The following ARHGAP26 variants were observed in gnomAD, a reference collection of about 807,000 sequenced individuals.
ARHGAP26 encodes the protein Rho GTPase activating protein 26.
In ARHGAP26, 38 loss-of-function variants were observed where a neutral mutation model predicts 104.8. The ratio of observed to expected loss-of-function variants is 0.36; its 90% confidence interval spans 0.28 to 0.48. The LOEUF is 0.48. Among genes scored for constraint, ARHGAP26 ranks in the 20% least tolerant of loss-of-function variants. The probability of loss-of-function intolerance (pLI) is 0.99; values close to 1 mark genes in which losing one functional copy is unlikely to be tolerated. For missense variants in ARHGAP26, 704 were observed against 947.9 expected (o/e 0.74, Z 3.38); for synonymous variants, 341 against 340.0 (o/e 1.00, Z -0.03).
intron 5 of ARHGAP26, among the ~76,000 whole-genome samples, chr5:142,891,220 G>T (rs752924330): frequency 3.3e-5 from 5 of 152,006 alleles, no homozygotes; most frequent in Non-Finnish European, 7.3e-5. Flanking sequence ...GATGCAGGGG[G>T]TGGTGGTGGT....
intron 11 of ARHGAP26, among the ~76,000 whole-genome samples, chr5:142,959,763 G>T (rs543990959): frequency 6.6e-6 from 1 of 152,320 alleles, no homozygotes; most frequent in East Asian, 1.9e-4. Flanking sequence ...GACTTTAATT[G>T]TATCTGCAAA....
intron 1 of ARHGAP26, among the ~76,000 whole-genome samples, chr5:142,829,307 G>A (rs60790038): frequency 0.071 from 10,846 of 152,182 alleles, 600 homozygotes; most frequent in African/African-American, 0.15. Flanking sequence ...TCTCGAAACC[G>A]TCTGTTTGGA....
chr5:143,182,765 T>C (rs1804571432), intron 20 of ARHGAP26, among the ~76,000 whole-genome samples: 1 of 152,238 alleles, frequency 6.6e-6, no homozygotes. Context: ...ATGCCAGTTC[T>C]CTTAAGTAAA....
At chr5:142,770,937 G>A (rs1321975230) in intron 1 of ARHGAP26, 22 bp downstream of exon 1, 6 of 1,588,570 alleles carry the variant, frequency 3.8e-6, no homozygotes, top group Non-Finnish European at 5.1e-6. Flanking sequence ...GAGCCCCTCG[G>A]GGACGCGGCT....
At chr5:142,771,897 G>T (rs1755283787) in intron 1 of ARHGAP26, among the ~76,000 whole-genome samples, 2 of 152,176 alleles carry the variant, frequency 1.3e-5, no homozygotes, top group Non-Finnish European at 2.9e-5. Context: ...GCTTTGGATT[G>T]TGAGAACGTT....
intron 20 of ARHGAP26, among the ~76,000 whole-genome samples, chr5:143,176,649 A>G (rs1467783047): frequency 6.6e-6 from 1 of 152,194 alleles, no homozygotes; most frequent in Non-Finnish European, 1.5e-5. Flanking sequence ...TTTGATGTTA[A>G]AAAGCACTTG....
chr5:142,891,936 A>G (rs1219689373), intron 5 of ARHGAP26, among the ~76,000 whole-genome samples: 2 of 151,924 alleles, frequency 1.3e-5, no homozygotes, highest in African/African-American at 4.9e-5. Context: ...GTGAGAGTTG[A>G]GGTACTTCCC....
chr5:143,170,839 G>A (rs796758686), intron 20 of ARHGAP26, among the ~76,000 whole-genome samples: 10 of 152,242 alleles, frequency 6.6e-5, no homozygotes, highest in African/African-American at 2.4e-4. Context: ...ACAGAAGCTG[G>A]GTGTGTTGGG....
chr5:142,847,941 G>C (rs1772356525), intron 1 of ARHGAP26, among the ~76,000 whole-genome samples: 1 of 152,252 alleles, frequency 6.6e-6, no homozygotes, highest in East Asian at 1.9e-4. Flanking sequence ...ATTCAGAGCA[G>C]AGGTGGGGCT....
intron 11 of ARHGAP26, among the ~76,000 whole-genome samples, chr5:142,935,286 C>T (rs1289147805): frequency 6.6e-6 from 1 of 152,120 alleles, no homozygotes; most frequent in Non-Finnish European, 1.5e-5. Flanking sequence ...GAGATGCTTC[C>T]TTACTATTCA....
intron 10 of ARHGAP26, among the ~76,000 whole-genome samples, chr5:142,919,827 T>A (rs1422135658): frequency 6.6e-6 from 1 of 152,086 alleles, no homozygotes; most frequent in Non-Finnish European, 1.5e-5. Context: ...CAAGACCCTG[T>A]CTTTACTAAA....
intron 20 of ARHGAP26, among the ~76,000 whole-genome samples, chr5:143,157,114 C>T (rs1800567229): frequency 6.6e-6 from 1 of 151,758 alleles, no homozygotes; most frequent in South Asian, 2.1e-4. Context: ...ATTTCCCAAA[C>T]TGGTACAGGA....
intron 17 of ARHGAP26, among the ~76,000 whole-genome samples, chr5:143,070,450 G>C (rs935915495): frequency 6.6e-6 from 1 of 152,162 alleles, no homozygotes; most frequent in Non-Finnish European, 1.5e-5. Context: ...TAACTAAGAC[G>C]ATTGAAAACT....
chr5:143,002,106 G>T (rs537477252), intron 11 of ARHGAP26, among the ~76,000 whole-genome samples: 30 of 152,168 alleles, frequency 2.0e-4, no homozygotes, highest in Non-Finnish European at 3.5e-4. Context: ...GCCTCGAGTT[G>T]CAATGAAGAC....
At chr5:143,001,406 C>T (rs899987686) in intron 11 of ARHGAP26, among the ~76,000 whole-genome samples, 7 of 152,182 alleles carry the variant, frequency 4.6e-5, no homozygotes, top group Non-Finnish European at 8.8e-5. Context: ...ATATCTGCAA[C>T]TCCTCTTAAA....
At chr5:142,984,228 C>T (rs1166797189) in intron 11 of ARHGAP26, among the ~76,000 whole-genome samples, 1 of 152,218 alleles carries the variant, frequency 6.6e-6, no homozygotes, top group Non-Finnish European at 1.5e-5. Flanking sequence ...CAGAAATCGC[C>T]TGTATATATC....
In ARHGAP26 at chr5:142,932,102, G is replaced by A. The variant is rs1184219889; in HGVS notation, c.1084G>A (p.Glu362Lys). 6.2e-7 allele frequency: 1 copy of A among 1,614,124 alleles called. No individual in the cohort carries two copies. The highest frequency in any genetic ancestry group is 8.5e-7 in the Non-Finnish European group (1 of 1,179,976). Reference protein sequence around the residue: ...LSEEDRRLWMEAMDGREPVYN... With the variant: ...LSEEDRRLWMKAMDGREPVYN... ...GGAAGAGGACCGGAGGCTCTGGATG[G>A]AAGCCATGGATGGCCGGGAACCTGT... Residue 362 changes from glutamate (E) to lysine (K), a missense_variant, in exon 11 of 23, where the codon GAA becomes AAA. Physicochemically the swap from Glu to Lys is moderately conservative, Grantham distance 56. This residue lies in a region of ARHGAP26 where 287 missense variants were observed against 438.8 expected (regional missense o/e 0.65). Transcript: ENST00000645722.
intron 18 of ARHGAP26, among the ~76,000 whole-genome samples, chr5:143,126,818 C>T (rs1228311420): frequency 6.6e-6 from 1 of 152,168 alleles, no homozygotes; most frequent in East Asian, 1.9e-4. Flanking sequence ...TTTGGCTCTT[C>T]CCACGCTATG....
chr5:142,878,876 C>CT, intron 3 of ARHGAP26, among the ~76,000 whole-genome samples: 1 of 152,210 alleles, frequency 6.6e-6, no homozygotes, highest in East Asian at 1.9e-4. Flanking sequence ...CACAGGTGTC[C>CT]TGGCTCTAGT....
Sources: allele counts gnomAD v4.1 joint callset (sites outside exome capture counted in the v4.1 genomes callset), GRCh38; gene constraint gnomAD v4.1.1; regional missense constraint gnomAD v4.1.1; transcripts MANE v1.5; gene names NCBI Gene and HGNC (gene_info 2026-07-23, HGNC 2026-07-21).